Variants in SV2B observed in about 807,000 individuals in gnomAD.
The protein encoded by SV2B is solute carrier family 22 member B2.
Under a neutral mutation model 73.9 loss-of-function variants are expected in SV2B, and 41 were observed. The ratio of observed to expected loss-of-function variants is 0.56; its 90% CI spans 0.43 to 0.72. The LOEUF (loss-of-function observed/expected upper bound fraction) is 0.72, where lower values mean the gene tolerates loss of function less well. Among genes scored for constraint, SV2B ranks in the 30% least tolerant of loss-of-function variants. SV2B has a pLI of 0.00. For missense variants in SV2B, 764 were observed against 857.8 expected, an observed-to-expected ratio of 0.89 and a Z score of 1.37; for synonymous variants, 314 against 314.2, an observed-to-expected ratio of 1.00 and a Z score of 0.01.
chr15:91,251,997 C>A lies in SV2B; in HGVS notation c.630C>A (p.Ile210=). The change falls in exon 3 of 13, where the codon ATC becomes ATA. Residue 210 remains isoleucine (I), a splice_region_variant and synonymous_variant. Coordinates refer to ENST00000394232, the MANE Select transcript of SV2B (RefSeq NM_001323032.3). ...TCTTCTGCCGACTCATCTCAGGCATCGGGTATGTTCTTAGGGAGGTGGAGC... is the reference window on the plus strand; with the variant it reads ...TCTTCTGCCGACTCATCTCAGGCATAGGGTATGTTCTTAGGGAGGTGGAGC... ...AFLFCRLISG[I]GIGGALPIVF... 1 of 1,613,914 alleles carries A rather than the reference C, an allele frequency of 6.2e-7. No individual in the cohort carries two copies. Among genetic ancestry groups the A allele is most frequent in the Non-Finnish European group, 8.5e-7 (1 of 1,179,902 alleles).
chr15:91,201,289 A>G (rs746028559), intron 1 of SV2B, among the ~76,000 whole-genome samples: 3 of 152,190 alleles, frequency 2.0e-5, no homozygotes, highest in Admixed American at 6.5e-5. Context: ...TTAAAATACT[A>G]AAATGGTGCT....
At chr15:91,192,295 T>G (rs1268034216) in intron 1 of SV2B, among the ~76,000 whole-genome samples, 1 of 152,232 alleles carries the variant, frequency 6.6e-6, no homozygotes, top group East Asian at 1.9e-4. Flanking sequence ...AGAATTTTCA[T>G]TTCACTCTCG....
At chr15:91,148,182 T>C (rs186913951) in intron 1 of SV2B, among the ~76,000 whole-genome samples, 116 of 152,018 alleles carry the variant, frequency 7.6e-4, no homozygotes, top group African/African-American at 2.6e-3. Context: ...GGTTTCACCA[T>C]GTTGGTCAGG....
At chr15:91,233,480 A>G (rs2046662112) in intron 2 of SV2B, among the ~76,000 whole-genome samples, 1 of 152,226 alleles carries the variant, frequency 6.6e-6, no homozygotes, top group South Asian at 2.1e-4. Flanking sequence ...CTGAAAACCA[A>G]ACCCAGAATC....
chr15:91,163,840 T>C (rs1472605459), intron 1 of SV2B, among the ~76,000 whole-genome samples: 8 of 152,352 alleles, frequency 5.3e-5, no homozygotes, highest in Middle Eastern at 3.4e-3. Context: ...TCCTTGCCCA[T>C]ACCTATGTCC....
Position 91,292,730 on chromosome 15 carries a change from C to T in SV2B, c.*178C>T. 2.7e-6 allele frequency: 2 copies of T among 735,958 alleles called. No individual in the cohort carries two copies. The highest frequency in any genetic ancestry group is 4.8e-5 in the South Asian group (2 of 41,388). 45.6% of individuals were successfully genotyped at this position (735,958 alleles called of 1,614,324 possible). A position where few individuals can be genotyped will look rare whatever the true frequency, so the allele number is the denominator to read the frequency against. On this transcript the variant is annotated 3_prime_UTR_variant, in exon 13 of 13. Coordinates refer to ENST00000394232, the MANE Select transcript of SV2B (RefSeq NM_001323032.3). ...GTCAATATGTTTGTAACTCAGGTGA[C>T]TGATTTGGGGGTGCCCTGAGCCACC...
chr15:91,163,590 C>T (rs148472235), intron 1 of SV2B, among the ~76,000 whole-genome samples: 17,928 of 152,146 alleles, frequency 0.12, 1,374 homozygotes, highest in South Asian at 0.22. Context: ...TCATATCCTT[C>T]GCCCACTTTT....
rs563739304 is a variant in SV2B, at chr15:91,253,765, C to T, written c.784+1245C>T. Among the ~76,000 whole-genome samples the T allele has an allele frequency of 6.6e-6, 1 of 152,350 alleles. No individual in the cohort carries two copies. The highest frequency in any genetic ancestry group is 2.1e-4 in the South Asian group (1 of 4,824). The stretch of plus-strand genomic sequence containing the variant: ...AAGTAGAACACACTCACCATTTCCG[C>T]TCACATTCCAGTGGCCCCCAATCTG... On this transcript the variant is annotated intron_variant, in intron 4 of 12. Transcript: ENST00000394232. This position sits in a 1 kb window ranked among gnomAD's most constrained non-coding sequence, Gnocchi z 5.0.
At chr15:91,218,525 C>T (rs2046110173) in intron 1 of SV2B, among the ~76,000 whole-genome samples, 1 of 152,194 alleles carries the variant, frequency 6.6e-6, no homozygotes, top group African/African-American at 2.4e-5. Flanking sequence ...AAAGCTGACA[C>T]ATATGAATAT....
At chr15:91,164,083 G>A (rs996582755) in intron 1 of SV2B, among the ~76,000 whole-genome samples, 3 of 152,094 alleles carry the variant, frequency 2.0e-5, no homozygotes, top group Non-Finnish European at 2.9e-5. Context: ...TAGATGTGTG[G>A]TATTATTTCT....
At chr15:91,269,046 C>T (rs1027726118) in intron 9 of SV2B, among the ~76,000 whole-genome samples, 8 of 152,024 alleles carry the variant, frequency 5.3e-5, no homozygotes, top group African/African-American at 1.9e-4. Flanking sequence ...ATTCTTTCAC[C>T]TAATATTCCT....
chr15:91,267,559 G>C lies in SV2B; in HGVS notation c.1124G>C (p.Trp375Ser). Residue 375 changes from tryptophan (W) to serine (S), a missense_variant, in exon 8 of 13, where the codon TGG (tryptophan) becomes TCG (serine). Physicochemically the swap from Trp to Ser is radical, Grantham distance 177. Transcript: ENST00000394232. This position sits in a 1 kb window ranked among gnomAD's most constrained non-coding sequence, Gnocchi z 4.3. ...CTTCTCTGGTATGGGTTGTAGGTCT[G>C]GGATAATGCCCTGTACTGTGTGATG... Reference protein sequence around the residue: ...VRFKTIFKQVWDNALYCVMGP... With the variant: ...VRFKTIFKQVSDNALYCVMGP... 6.2e-7 allele frequency: 1 copy of C among 1,613,040 alleles called. No individual in the cohort carries two copies. Among genetic ancestry groups the C allele is most frequent in the Non-Finnish European group, 8.5e-7 (1 of 1,179,434 alleles).
chr15:91,292,620 T>C lies in SV2B; in HGVS notation c.*68T>C. ...GACACTGAAATGCATCCACACTTCC[T>C]GCCTATCACGGTCCGGAGGACACCT... On this transcript the variant is annotated 3_prime_UTR_variant, in exon 13 of 13. Coordinates refer to ENST00000394232, the MANE Select transcript of SV2B (RefSeq NM_001323032.3). 1.3e-6 allele frequency: 2 copies of C among 1,542,774 alleles called. No individual in the cohort carries two copies. Among genetic ancestry groups the C allele is most frequent in the Non-Finnish European group, 1.7e-6 (2 of 1,145,752 alleles).
rs1262405664 is a variant in SV2B, at chr15:91,265,560, A to C, written c.1009-1022A>C. 6.6e-6 allele frequency among the ~76,000 whole-genome samples: 1 copy of C among 152,310 alleles called. No homozygotes were observed. Among genetic ancestry groups the C allele is most frequent in the East Asian group, 1.9e-4 (1 of 5,174 alleles). On this transcript the variant is annotated intron_variant, in intron 6 of 12. Transcript: ENST00000394232. This position sits in a 1 kb window ranked among gnomAD's most constrained non-coding sequence, Gnocchi z 4.2. Reference sequence around the variant, plus strand: ...GGTTTTTAAGGTGCTTCCTGAGTTGATGTTAACTTCCCCTGTAGCCTCCTT... The same window carrying C: ...GGTTTTTAAGGTGCTTCCTGAGTTGCTGTTAACTTCCCCTGTAGCCTCCTT...
At chr15:91,260,683 A>G (rs1263365677) in intron 6 of SV2B, among the ~76,000 whole-genome samples, 1 of 152,248 alleles carries the variant, frequency 6.6e-6, no homozygotes, top group African/African-American at 2.4e-5. Context: ...GTCCATTTTC[A>G]TGCTGCTGAT....
rs1317239286 is a variant in SV2B, at chr15:91,292,680, C to T, written c.*128C>T. ...CGGGAGGAGAAGTTGACTTTGTGAC[C>T]CCTAGTTTAGGACCCACTTCAGCTG... On this transcript the variant is annotated 3_prime_UTR_variant, in exon 13 of 13. Coordinates refer to ENST00000394232, the MANE Select transcript of SV2B (RefSeq NM_001323032.3). 1.6e-6 allele frequency: 2 copies of T among 1,217,904 alleles called. No individual in the cohort carries two copies. The highest frequency in any genetic ancestry group is 1.1e-6 in the Non-Finnish European group (1 of 900,990). 75.4% of individuals were successfully genotyped at this position (1,217,904 alleles called of 1,614,324 possible). A position where few individuals can be genotyped will look rare whatever the true frequency, so the allele number is the denominator to read the frequency against.
intron 1 of SV2B, among the ~76,000 whole-genome samples, chr15:91,150,099 G>A (rs547424269): frequency 6.6e-6 from 1 of 152,216 alleles, no homozygotes; most frequent in Admixed American, 6.5e-5. Context: ...CACCTTCCAG[G>A]TTCAAGTGAT....
chr15:91,133,709 A>G lies in SV2B; in HGVS notation c.-392+33346A>G, dbSNP rs150657708. ...TCCACACTTCCTGTCCCCAGGCAGC[A>G]GGGTCACTGGACACAGCTTGGCGCC... On this transcript the variant is annotated intron_variant, in intron 1 of 12. Transcript: ENST00000394232. Among the ~76,000 whole-genome samples the G allele has an allele frequency of 3.3e-3, 497 of 152,266 alleles. 1 individual carries two copies. The highest frequency in any genetic ancestry group is 5.9e-3 in the Non-Finnish European group (402 of 68,010).
At chr15:91,169,807 T>A (rs2044055992) in intron 1 of SV2B, among the ~76,000 whole-genome samples, 1 of 152,086 alleles carries the variant, frequency 6.6e-6, no homozygotes, top group Non-Finnish European at 1.5e-5. Flanking sequence ...GGGGGATTCT[T>A]GAAAGAGGCC....
Sources: gnomAD v4.1 joint callset for allele counts (sites outside exome capture counted in the v4.1 genomes callset) on GRCh38, gnomAD v4.1.1 for gene constraint, Gnocchi (gnomAD v3.1) non-coding constraint, MANE v1.5 for transcripts, NCBI Gene and HGNC (gene_info 2026-07-23, HGNC 2026-07-21) for gene names.